The following GGT6 variants were observed in gnomAD, a reference collection of about 807,000 sequenced individuals.
GGT6 encodes the protein gamma-glutamyltransferase 6, also known as glutathione hydrolase 6.
In GGT6, 13 loss-of-function variants were observed where a neutral mutation model predicts 17.0. The ratio of observed to expected loss-of-function variants is 0.77; its 90% CI spans 0.50 to 1.22. The LOEUF (loss-of-function observed/expected upper bound fraction) is 1.22, where lower values mean the gene tolerates loss of function less well. Ranked by LOEUF, GGT6 falls within the 50% of genes most tolerant of loss-of-function variation. The probability of loss-of-function intolerance (pLI) is 0.00; values close to 1 mark genes in which losing one functional copy is unlikely to be tolerated. For missense variants in GGT6, 628 were observed against 643.7 expected, an observed-to-expected ratio of 0.98 and a Z score of 0.26; for synonymous variants, 305 against 297.9, an observed-to-expected ratio of 1.02 and a Z score of -0.25.
chr17:4,560,336 A>G, intron 1 of GGT6, 46 bp downstream of exon 1: 1 of 1,611,068 alleles, frequency 6.2e-7, no homozygotes, highest in Non-Finnish European at 8.5e-7. Context: ...GGACTTGCCA[A>G]CCTCAAGCCT....
Position 4,560,432 on chromosome 17 carries a change from CTCCTCCTCCTCCACT to C in GGT6, c.75_89del (p.Val26_Glu30del). On this transcript the variant is annotated inframe_deletion, in exon 1 of 4. Transcript: ENST00000381550. ...GGTTTAGAACCAGCGCCTCTGATGT[CTCCTCCTCCTCCACT>C]TCCTCCTCCGACTCCAAGCTTGGCT... The C allele has an allele frequency of 2.5e-6, 4 of 1,610,406 alleles. No individual in the cohort carries two copies. The highest frequency in any genetic ancestry group is 2.5e-6 in the Non-Finnish European group (3 of 1,176,964).
chr17:4,559,490 AG>A (rs775016920), intron 2 of GGT6, 34 bp from the exon 3 acceptor site: 6 of 1,573,688 alleles, frequency 3.8e-6, no homozygotes, highest in Admixed American at 3.7e-5. Context: ...TGCAGCAAGG[AG>A]GGGGGCTAGG....
Position 4,558,506 on chromosome 17 carries a change from C to T in GGT6, c.1009G>A (p.Gly337Arg), listed in dbSNP as rs748144465. Residue 337 changes from glycine (G) to arginine (R), a missense_variant, in exon 4 of 4, where the codon GGG (glycine) becomes AGG (arginine). Transcript: ENST00000381550. ...GGGCAGGGGTCAGGGATGGGCGCCC[C>T]GGAGCGCAGGGCTGCCTCCAACAGT... ...LALLEAALRS[G>R]APIPDPCPPF... is the part of the protein sequence containing the mutation. The T allele has an allele frequency of 8.8e-6, 14 of 1,599,634 alleles. No individual in the cohort carries two copies. Among genetic ancestry groups the T allele is most frequent in the Admixed American group, 1.7e-5 (1 of 57,832 alleles).
In GGT6 at chr17:4,559,072, G is replaced by A. The variant is rs568959422; in HGVS notation, c.458-15C>T. ...AAACATGGCACCTGCAGGAGACAGA[G>A]GGGTCCCTCAGCAGCCGCAGGTCAA... On this transcript the variant is annotated splice_polypyrimidine_tract_variant and intron_variant, in intron 3 of 3. Coordinates refer to ENST00000381550, the MANE Select transcript of GGT6 (RefSeq NM_001288702.2). 152 of 1,539,738 alleles carry A rather than the reference G, an allele frequency of 9.9e-5. 1 individual carries two copies. The African/African-American group carries it at 1.9e-3, about 20-fold the overall frequency.
At position 4,558,626 on chromosome 17, in the gene GGT6, G is replaced by C; in HGVS notation, c.889C>G (p.Pro297Ala). 6.4e-7 allele frequency: 1 copy of C among 1,569,230 alleles called. No homozygotes were observed. The highest frequency in any genetic ancestry group is 1.3e-5 in the African/African-American group (1 of 74,480). ...TCTGCTGGTTCCAAAGTGGGCCTGG[G>C]CACAGCCGAGGGCACCTCCACCCCC... ...DLGVEVPSAV[P>A]RPTLEPAEQL... The change falls in exon 4 of 4, where the codon CCC becomes GCC. Residue 297 changes from proline to alanine, a missense_variant. Coordinates refer to ENST00000381550, the MANE Select transcript of GGT6 (RefSeq NM_001288702.2).
rs1205267673 is a variant in GGT6, at chr17:4,559,442, G to T, written c.358C>A (p.Leu120Ile). Residue 120 changes from leucine to isoleucine, a missense_variant, in exon 3 of 4, where the codon CTA becomes ATA. Transcript: ENST00000381550. ...IISPAATCSH[L>I]GRELLVAGGN... ...CCGGCAACAAGCAGCTCTCGGCCTAGGTGGGAGCATGTGGCTGCAGCAAGG... is the reference window on the plus strand; with the variant it reads ...CCGGCAACAAGCAGCTCTCGGCCTATGTGGGAGCATGTGGCTGCAGCAAGG... The T allele has an allele frequency of 6.4e-7, 1 of 1,553,076 alleles. No homozygotes were observed.
chr17:4,559,502 C>T, intron 2 of GGT6, 46 bp from the exon 3 acceptor site: 4 of 1,582,498 alleles, frequency 2.5e-6, no homozygotes, highest in Non-Finnish European at 3.4e-6. Context: ...GGGGGCTAGG[C>T]TGGGCTGGTG....
intron 1 of GGT6, 84 bp from the exon 2 acceptor site, chr17:4,559,844 A>C: frequency 1.5e-6 from 2 of 1,331,390 alleles, no homozygotes; most frequent in Non-Finnish European, 2.1e-6. Context: ...TATTTCCCAA[A>C]AGGTTTGATT....
chr17:4,559,942 G>A (rs1426328405), intron 1 of GGT6, 182 bp from the exon 2 acceptor site: 4 of 623,162 alleles, frequency 6.4e-6, no homozygotes, highest in South Asian at 3.9e-5. Flanking sequence ...GAAAGCATCT[G>A]GGGAAACTGA....
intron 1 of GGT6, chr17:4,559,987 T>A: frequency 6.8e-6 from 4 of 592,346 alleles, no homozygotes; most frequent in Non-Finnish European, 1.2e-5. Flanking sequence ...GAGGGGAGAT[T>A]GGTGGGGCAG....
Position 4,558,791 on chromosome 17 carries a change from A to G in GGT6, c.724T>C (p.Cys242Arg). ...RGTEGLCPLL[C>R]HADGTPLGAG... is the part of the protein sequence containing the mutation. The stretch of plus-strand genomic sequence containing the variant: ...CCCAGGGGTGTCCCATCAGCATGGC[A>G]AAGTAGTGGACAGAGGCCTTCTGTG... Residue 242 changes from cysteine (C) to arginine (R), a missense_variant, in exon 4 of 4, where the codon TGC becomes CGC. Transcript: ENST00000381550. The G allele has an allele frequency of 6.4e-7, 1 of 1,560,268 alleles. No homozygotes were observed. The highest frequency in any genetic ancestry group is 8.7e-7 in the Non-Finnish European group (1 of 1,152,182).
chr17:4,559,743 A>C lies in GGT6; in HGVS notation c.158T>G (p.Leu53Arg). The C allele has an allele frequency of 6.2e-7, 1 of 1,611,404 alleles. No homozygotes were observed. The highest frequency in any genetic ancestry group is 8.5e-7 in the Non-Finnish European group (1 of 1,179,852). The change falls in exon 2 of 4, where the codon CTG becomes CGG. Residue 53 changes from leucine (L) to arginine (R), a missense_variant. Transcript: ENST00000381550. ...QDSSRNKAGG[L>R]PGTWARVVAA... ...CACTACACGGGCCCAGGTTCCGGGC[A>C]GCCCGCCAGCCTTGTTCCTGCAGAG... is the stretch of plus-strand genomic sequence containing the variant.
At chr17:4,559,082 A>G (rs1243932050) in intron 3 of GGT6, 25 bp from the exon 4 acceptor site, 1 of 1,539,402 alleles carries the variant, frequency 6.5e-7, no homozygotes, top group East Asian at 2.4e-5. Context: ...GGGGTCCCTC[A>G]GCAGCCGCAG....
Position 4,559,013 on chromosome 17 carries a change from A to C in GGT6, c.502T>G (p.Ser168Ala). Reference sequence around the variant, plus strand: ...GCTGGGCCTGATGTCAGGGCCGTGGAATTGCCTGAGGAGCTATCGTGGAAG... The same window carrying C: ...GCTGGGCCTGATGTCAGGGCCGTGGCATTGCCTGAGGAGCTATCGTGGAAG... ...GLFHDSSSGN[S>A]TALTSGPAQT... is the part of the protein sequence containing the mutation. The change falls in exon 4 of 4, where the codon TCC becomes GCC. Residue 168 changes from serine to alanine, a missense_variant. Ser to Ala is a moderately conservative substitution (Grantham distance 99). Transcript: ENST00000381550. 6.5e-7 allele frequency: 1 copy of C among 1,543,920 alleles called. No individual in the cohort carries two copies. The highest frequency in any genetic ancestry group is 8.7e-7 in the Non-Finnish European group (1 of 1,146,942).
Position 4,560,399 on chromosome 17 carries a change from C to G in GGT6, c.123G>C (p.Arg41Ser), listed in dbSNP as rs751951896. ...TTACTTACCTGGAAGAGTCCTGGTGCCTCCGGGGGTTTAGAACCAGCGCCT... is the reference window on the plus strand; with the variant it reads ...TTACTTACCTGGAAGAGTCCTGGTGGCTCCGGGGGTTTAGAACCAGCGCCT... The part of the protein sequence containing the change: ...TSEALVLNPR[R>S]HQDSSRNKAG... Residue 41 changes from arginine (R) to serine (S), a missense_variant, in exon 1 of 4, where the codon AGG becomes AGC. Coordinates refer to ENST00000381550, the MANE Select transcript of GGT6 (RefSeq NM_001288702.2). The G allele has an allele frequency of 3.1e-6, 5 of 1,614,012 alleles. No homozygotes were observed. Among genetic ancestry groups the G allele is most frequent in the Non-Finnish European group, 3.4e-6 (4 of 1,180,012 alleles).
chr17:4,559,482 C>T (rs539788261), intron 2 of GGT6, 26 bp from the exon 3 acceptor site: 1 of 1,566,908 alleles, frequency 6.4e-7, no homozygotes, highest in African/African-American at 1.4e-5. Context: ...CACTGTCATG[C>T]AGCAAGGAGG....
chr17:4,556,433 GAGA>G (rs1908124965), downstream of GGT6, among the ~76,000 whole-genome samples: 1 of 152,180 alleles, frequency 6.6e-6, no homozygotes, highest in African/African-American at 2.4e-5. Context: ...TGCCATTACG[GAGA>G]AGAATTTTCT....
At position 4,557,855 on chromosome 17, in the gene GGT6, G is replaced by T. The variant is rs370871244; in HGVS notation, c.*160C>A. The T allele has an allele frequency of 3.6e-6, 2 of 548,202 alleles. No homozygotes were observed. Among genetic ancestry groups the T allele is most frequent in the African/African-American group, 3.8e-5 (2 of 53,268 alleles). 34.0% of individuals were successfully genotyped at this position (548,202 alleles called of 1,614,324 possible). A position where few individuals can be genotyped will look rare whatever the true frequency, so the allele number is the denominator to read the frequency against. On this transcript the variant is annotated 3_prime_UTR_variant, in exon 4 of 4. Transcript: ENST00000381550. ...TGTCTAGGCTAGTTTCAAACTCCTG[G>T]CCTCGAGGTATCTTCCTGCCTTGAC...
Position 4,558,163 on chromosome 17 carries a change from T to C in GGT6, c.1352A>G (p.Gln451Arg), listed in dbSNP as rs1908303449. The C allele has an allele frequency of 6.2e-7, 1 of 1,613,942 alleles. No individual in the cohort carries two copies. The highest frequency in any genetic ancestry group is 2.2e-5 in the East Asian group (1 of 44,886). The change falls in exon 4 of 4, where the codon CAG becomes CGG. Residue 451 changes from glutamine to arginine, a missense_variant. Coordinates refer to ENST00000381550, the MANE Select transcript of GGT6 (RefSeq NM_001288702.2). ...LRHLAARPPT[Q>R]AQHQHQGQQE... ...CTGACCCTGATGCTGGTGCTGGGCCTGGGTAGGGGGCCTTGCTGCCAGATG... is the reference window on the plus strand; with the variant it reads ...CTGACCCTGATGCTGGTGCTGGGCCCGGGTAGGGGGCCTTGCTGCCAGATG...
Sources: gnomAD v4.1 joint callset for allele counts (sites outside exome capture counted in the v4.1 genomes callset) on GRCh38, gnomAD v4.1.1 for gene constraint, MANE v1.5 for transcripts, NCBI Gene and HGNC (gene_info 2026-07-23, HGNC 2026-07-21) for gene names.